Variants in ADAMTS3 observed in about 807,000 individuals in gnomAD.
The protein encoded by ADAMTS3 is A disintegrin and metalloproteinase with thrombospondin motifs 3.
ADAMTS3 carries 73 observed loss-of-function variants against 129.0 expected under a neutral mutation model. That is an observed-to-expected ratio of 0.57 (90% CI 0.47 to 0.69). The LOEUF (loss-of-function observed/expected upper bound fraction) is 0.69. ADAMTS3 is among the 30% of genes least tolerant of loss of function. The pLI is 0.00. For synonymous variants in ADAMTS3, 477 were observed against 510.8 expected, an observed-to-expected ratio of 0.93 and a Z score of 0.89; for missense variants, 1,457 against 1,514.5, an observed-to-expected ratio of 0.96 and a Z score of 0.63.
At chr4:72,343,541 T>A (rs980981907) in intron 4 of ADAMTS3, among the ~76,000 whole-genome samples, 1 of 152,138 alleles carries the variant, frequency 6.6e-6, no homozygotes, top group African/African-American at 2.4e-5. Flanking sequence ...CATTAAGGAA[T>A]GTGTCCCCTG....
intron 3 of ADAMTS3, among the ~76,000 whole-genome samples, chr4:72,470,509 C>T (rs13148437): frequency 0.97 from 147,387 of 151,424 alleles, 71,877 homozygotes; most frequent in East Asian, 1. Flanking sequence ...CACACACATT[C>T]TTAAAATTAT....
At chr4:72,398,631 G>A (rs1482697123) in intron 4 of ADAMTS3, among the ~76,000 whole-genome samples, 2 of 151,938 alleles carry the variant, frequency 1.3e-5, no homozygotes, top group African/African-American at 4.8e-5. Flanking sequence ...AGGATGAAAG[G>A]ACCCAAATTC....
chr4:72,492,885 T>A (rs1302520029), intron 3 of ADAMTS3, among the ~76,000 whole-genome samples: 1 of 151,916 alleles, frequency 6.6e-6, no homozygotes, highest in Admixed American at 6.6e-5. Flanking sequence ...TAAAACATTA[T>A]CTAAATATTT....
chr4:72,340,696 G>C (rs943317197), intron 4 of ADAMTS3, among the ~76,000 whole-genome samples: 7 of 151,858 alleles, frequency 4.6e-5, no homozygotes, highest in African/African-American at 1.7e-4. Context: ...TACATGGAAA[G>C]AAAGAAGAAG....
At chr4:72,529,714 A>T (rs992408381) in intron 3 of ADAMTS3, among the ~76,000 whole-genome samples, 4 of 106,254 alleles carry the variant, frequency 3.8e-5, no homozygotes. Context: ...TATTAAATAT[A>T]ATATATATTA....
intron 3 of ADAMTS3, among the ~76,000 whole-genome samples, chr4:72,521,821 G>A (rs1720683179): frequency 6.6e-6 from 1 of 152,128 alleles, no homozygotes; most frequent in South Asian, 2.1e-4. Context: ...TCTAGCCATA[G>A]TAACCCACAT....
chr4:72,428,804 C>T (rs1276195064), intron 3 of ADAMTS3, among the ~76,000 whole-genome samples: 1 of 151,926 alleles, frequency 6.6e-6, no homozygotes. Context: ...TTCAATTACT[C>T]TATTATTTAA....
chr4:72,545,727 T>C (rs1471675290), intron 3 of ADAMTS3, among the ~76,000 whole-genome samples: 1 of 152,174 alleles, frequency 6.6e-6, no homozygotes, highest in Non-Finnish European at 1.5e-5. Flanking sequence ...CAACACCTTC[T>C]GTGGACATCT....
rs549523166 is a variant in ADAMTS3 at position 72,376,656 on chromosome 4, C to G, written c.662-36963G>C. Among the ~76,000 whole-genome samples, 3 of 152,214 alleles carry G rather than the reference C, an allele frequency of 2.0e-5. No homozygotes were observed. In the South Asian group the frequency reaches 6.2e-4, roughly 32 times the overall value. The stretch of plus-strand genomic sequence containing the variant: ...TGGGGCCTAAGAACTGCATTTCTAA[C>G]TAGTTCTAGGTGATGATGATGTTGC... On this transcript the variant is annotated intron_variant, in intron 4 of 21. Coordinates refer to ENST00000286657, the MANE Select transcript of ADAMTS3 (RefSeq NM_014243.3).
rs188057156 is a variant in ADAMTS3 at position 72,308,229 on chromosome 4, A to C, written c.2179+1168T>G. ...ATAATGCAATCAGTCAGAAATAGCA[A>C]TATTTGCTTTTTAACAATTTTCAAA... On this transcript the variant is annotated intron_variant, in intron 15 of 21. Transcript: ENST00000286657. Among the ~76,000 whole-genome samples, 6 of 152,076 alleles carry C rather than the reference A, an allele frequency of 3.9e-5. No homozygotes were observed. The East Asian group carries it at 1.2e-3, about 29-fold the overall frequency.
chr4:72,530,492 T>TAAAA (rs1560554132), intron 3 of ADAMTS3, among the ~76,000 whole-genome samples: 46 of 19,324 alleles, frequency 2.4e-3, no homozygotes, highest in African/African-American at 3.1e-3. Context: ...AAATATATAT[T>TAAAA]TATATACAAA....
intron 19 of ADAMTS3, among the ~76,000 whole-genome samples, chr4:72,292,658 A>G (rs549105421): frequency 6.6e-6 from 1 of 152,358 alleles, no homozygotes; most frequent in Admixed American, 6.5e-5. Flanking sequence ...AAGGGTGGTC[A>G]CCATTGACTC....
intron 19 of ADAMTS3, among the ~76,000 whole-genome samples, chr4:72,294,006 A>C (rs918491947): frequency 6.6e-6 from 1 of 152,136 alleles, no homozygotes; most frequent in Non-Finnish European, 1.5e-5. Context: ...CCAAGCTACT[A>C]ATGTCCCAGA....
chr4:72,466,845 T>G (rs970722616), intron 3 of ADAMTS3, among the ~76,000 whole-genome samples: 2 of 152,064 alleles, frequency 1.3e-5, no homozygotes, highest in African/African-American at 4.8e-5. Flanking sequence ...TAGGGTCAGA[T>G]AGAATTAAGC....
At position 72,328,483 on chromosome 4, in the gene ADAMTS3, G is replaced by A. The variant is rs538924938; in HGVS notation, c.862-5386C>T. ...CAGATGGGTGGATCAGGTCTTGAGA[G>A]GCTGGATAGCTTAGCAGTGGAGAGC... On this transcript the variant is annotated intron_variant, in intron 5 of 21. Coordinates refer to ENST00000286657, the MANE Select transcript of ADAMTS3 (RefSeq NM_014243.3). 8.2e-4 allele frequency among the ~76,000 whole-genome samples: 125 copies of A among 152,270 alleles called. 1 individual carries two copies. The highest frequency in any genetic ancestry group is 2.9e-3 in the African/African-American group (121 of 41,562).
At chr4:72,548,396 C>G (rs753569939) in intron 3 of ADAMTS3, 82 bp downstream of exon 3, 207 of 1,417,360 alleles carry the variant, frequency 1.5e-4, no homozygotes, top group Non-Finnish European at 2.0e-4. Flanking sequence ...CTCCTTTCCA[C>G]CTCCACCTTC....
intron 3 of ADAMTS3, among the ~76,000 whole-genome samples, chr4:72,444,456 C>G (rs1259021288): frequency 6.6e-6 from 1 of 151,690 alleles, no homozygotes; most frequent in African/African-American, 2.4e-5. Context: ...CAATTACTGC[C>G]TGTGTTAAAA....
intron 3 of ADAMTS3, among the ~76,000 whole-genome samples, chr4:72,425,926 T>C (rs569905347): frequency 6.6e-6 from 1 of 151,994 alleles, no homozygotes; most frequent in South Asian, 2.1e-4. Context: ...TCCACAATGG[T>C]TGAACTAGTT....
intron 4 of ADAMTS3, among the ~76,000 whole-genome samples, chr4:72,392,080 C>T (rs1274767234): frequency 1.3e-5 from 2 of 152,180 alleles, no homozygotes; most frequent in Non-Finnish European, 2.9e-5. Flanking sequence ...TAAAACCTAA[C>T]ATTTCCATCT....
Sources: gnomAD v4.1 joint callset for allele counts (sites outside exome capture counted in the v4.1 genomes callset) on GRCh38, gnomAD v4.1.1 for gene constraint, MANE v1.5 for transcripts, NCBI Gene and HGNC (gene_info 2026-07-23, HGNC 2026-07-21) for gene names.